Variants in SYNRG observed in about 807,000 individuals in gnomAD.
The protein encoded by SYNRG is synergin gamma.
Under a neutral mutation model 130.9 loss-of-function variants are expected in SYNRG, and 37 were observed. The observed-to-expected ratio is 0.28, with a 90% confidence interval of 0.22 to 0.37. SYNRG has a LOEUF of 0.37. Among genes scored for constraint, SYNRG ranks in the 10% least tolerant of loss-of-function variants. SYNRG has a pLI of 1.00. For synonymous variants in SYNRG, 539 were observed against 568.1 expected (o/e 0.95, Z 0.73); for missense variants, 1,338 against 1,588.9 (o/e 0.84, Z 2.68).
At position 37,568,782 on chromosome 17, in the gene SYNRG, CTT is replaced by C. The variant is rs2060191027; in HGVS notation, c.1481+7_1481+8del. On this transcript the variant is annotated splice_region_variant and intron_variant, in intron 11 of 21. Transcript: ENST00000612223. ...AATGCAATGTTAAATATATTAAACT[CTT>C]TTCTACCTGTTTCCATGCTGGGAGT... is the stretch of plus-strand genomic sequence containing the variant. 6.2e-7 allele frequency: 1 copy of C among 1,613,200 alleles called. No individual in the cohort carries two copies. Among genetic ancestry groups the C allele is most frequent in the Non-Finnish European group, 8.5e-7 (1 of 1,179,748 alleles).
intron 2 of SYNRG, among the ~76,000 whole-genome samples, chr17:37,596,645 A>T (rs1217682028): frequency 1.3e-5 from 2 of 152,234 alleles, no homozygotes; most frequent in Non-Finnish European, 2.9e-5. Flanking sequence ...GATGGCCTCC[A>T]ATGACCTCTG....
chr17:37,520,257 C>G (rs180978021), intron 20 of SYNRG, 43 bp from the exon 21 acceptor site: 1 of 1,613,324 alleles, frequency 6.2e-7, no homozygotes, highest in Admixed American at 1.7e-5. Context: ...ATTCCCAGAA[C>G]AGGGCCTCTT....
At chr17:37,559,760 A>T (rs1449565438) in intron 13 of SYNRG, among the ~76,000 whole-genome samples, 1 of 152,146 alleles carries the variant, frequency 6.6e-6, no homozygotes, top group Non-Finnish European at 1.5e-5. Flanking sequence ...CAAGCAGTGT[A>T]GTTTGAGTAT....
Position 37,518,938 on chromosome 17 carries a change from G to C in SYNRG, c.*2C>G. 1 of 1,613,040 alleles carries C rather than the reference G, an allele frequency of 6.2e-7. No homozygotes were observed. The highest frequency in any genetic ancestry group is 8.5e-7 in the Non-Finnish European group (1 of 1,179,630). The stretch of plus-strand genomic sequence containing the variant: ...AAAGTCAATGCTTCACAGAGGAGTT[G>C]TTCAGAGCAGGTCAGGCAGGACGAG... On this transcript the variant is annotated 3_prime_UTR_variant, in exon 22 of 22. Transcript: ENST00000612223.
At chr17:37,539,326 T>C in intron 16 of SYNRG, 81 bp from the exon 17 acceptor site, 2 of 1,423,468 alleles carry the variant, frequency 1.4e-6, no homozygotes, top group East Asian at 2.3e-5. Flanking sequence ...TCAAAGTGCT[T>C]GGAGGACTTT....
intron 3 of SYNRG, among the ~76,000 whole-genome samples, chr17:37,592,372 GA>G (rs1218194958): frequency 6.6e-6 from 1 of 152,126 alleles, no homozygotes; most frequent in African/African-American, 2.4e-5. Flanking sequence ...AGCTACTCTG[GA>G]AAAAAGTTTG....
intron 20 of SYNRG, 71 bp downstream of exon 20, chr17:37,520,467 G>C: frequency 1.4e-6 from 2 of 1,424,230 alleles, no homozygotes; most frequent in Non-Finnish European, 2.0e-6. Context: ...CAGTAAAGTG[G>C]GCCAGATGAG....
chr17:37,579,110 C>A, intron 6 of SYNRG: 1 of 1,118,538 alleles, frequency 8.9e-7, no homozygotes. Context: ...AGAATATTTT[C>A]ATTAATAATG....
intron 19 of SYNRG, among the ~76,000 whole-genome samples, 184 bp from the exon 20 acceptor site, chr17:37,520,832 C>T (rs371609777): frequency 2.6e-5 from 4 of 152,152 alleles, no homozygotes; most frequent in Admixed American, 2.0e-4. Flanking sequence ...CTAGGAAGGC[C>T]GGCACCAGTA....
intron 11 of SYNRG, among the ~76,000 whole-genome samples, chr17:37,565,700 C>CT (rs2059898131): frequency 6.6e-6 from 1 of 151,820 alleles, no homozygotes; most frequent in African/African-American, 2.4e-5. Context: ...CCCGCCGCCC[C>CT]ATCTGGGATG....
Position 37,568,936 on chromosome 17 carries a change from A to C in SYNRG, c.1348-12T>G. The C allele has an allele frequency of 6.2e-7, 1 of 1,605,742 alleles. No individual in the cohort carries two copies. Among genetic ancestry groups the C allele is most frequent in the East Asian group, 2.2e-5 (1 of 44,796 alleles). On this transcript the variant is annotated splice_polypyrimidine_tract_variant and intron_variant, in intron 10 of 21. Transcript: ENST00000612223. Reference sequence around the variant, plus strand: ...TCTGGCTTTACTACCTAGGTTTATAAAGGTCATTTAAATAAATAGCACTGA... The same window carrying C: ...TCTGGCTTTACTACCTAGGTTTATACAGGTCATTTAAATAAATAGCACTGA...
intron 21 of SYNRG, among the ~76,000 whole-genome samples, chr17:37,519,350 A>G (rs199830089): frequency 6.6e-6 from 1 of 152,174 alleles, no homozygotes; most frequent in South Asian, 2.1e-4. Context: ...GGAGGGGGGG[A>G]ATCATGATAA....
rs1286541629 is a variant in SYNRG at position 37,572,398 on chromosome 17, A to C, written c.902-411T>G. 3.3e-5 allele frequency among the ~76,000 whole-genome samples: 5 copies of C among 151,934 alleles called. No homozygotes were observed. In the South Asian group the frequency reaches 1.0e-3, roughly 32 times the overall value. On this transcript the variant is annotated intron_variant, in intron 8 of 21. Coordinates refer to ENST00000612223, the MANE Select transcript of SYNRG (RefSeq NM_007247.6). ...CTAAGATCACGACTCTGCACTCTGC[A>C]CTTCAGCCTGGGCAACAGTGAGACT...
Position 37,591,565 on chromosome 17 carries a change from G to A in SYNRG, c.240+4658C>T, listed in dbSNP as rs946048780. On this transcript the variant is annotated intron_variant, in intron 3 of 21. Coordinates refer to ENST00000612223, the MANE Select transcript of SYNRG (RefSeq NM_007247.6). ...GAATCAACCTTATCGTATAGCTACCGTCATGAAGACTGTGTTATTGGTGAA... is the reference window on the plus strand; with the variant it reads ...GAATCAACCTTATCGTATAGCTACCATCATGAAGACTGTGTTATTGGTGAA... Among the ~76,000 whole-genome samples the A allele has an allele frequency of 4.6e-5, 7 of 152,308 alleles. No individual in the cohort carries two copies. In the South Asian group the frequency reaches 8.3e-4, roughly 18 times the overall value.
chr17:37,541,408 G>A (rs2057747079), intron 15 of SYNRG: 1 of 238,256 alleles, frequency 4.2e-6, no homozygotes, highest in Non-Finnish European at 6.8e-6. Context: ...AGGGAGTGGT[G>A]CTCTTCGGCT....
chr17:37,560,334 T>C (rs975511049), intron 13 of SYNRG, among the ~76,000 whole-genome samples: 8 of 149,828 alleles, frequency 5.3e-5, no homozygotes, highest in Non-Finnish European at 1.0e-4. Flanking sequence ...ATTCAGCACC[T>C]ATCATTTTTT....
At chr17:37,548,116 T>C (rs1358283192) in intron 14 of SYNRG, among the ~76,000 whole-genome samples, 1 of 152,002 alleles carries the variant, frequency 6.6e-6, no homozygotes, top group Non-Finnish European at 1.5e-5. Flanking sequence ...CAGAAAAGAG[T>C]TAAAATAAAG....
chr17:37,525,598 C>T (rs1198104480), intron 19 of SYNRG, among the ~76,000 whole-genome samples: 1 of 152,090 alleles, frequency 6.6e-6, no homozygotes, highest in East Asian at 1.9e-4. Context: ...TTTGGGAGGC[C>T]GAGGTGGGTG....
intron 19 of SYNRG, among the ~76,000 whole-genome samples, chr17:37,531,608 C>G (rs760074892): frequency 1.4e-4 from 21 of 152,074 alleles, no homozygotes; most frequent in Non-Finnish European, 2.5e-4. Flanking sequence ...AAAACCCTGT[C>G]TTTACAAAAA....
Sources: allele counts gnomAD v4.1 joint callset (sites outside exome capture counted in the v4.1 genomes callset), GRCh38; gene constraint gnomAD v4.1.1; transcripts MANE v1.5; gene names NCBI Gene and HGNC (gene_info 2026-07-23, HGNC 2026-07-21).